Variants in ROBO2 observed in about 807,000 individuals in gnomAD.
ROBO2 encodes roundabout homolog 2.
Under a neutral mutation model 160.8 loss-of-function variants are expected in ROBO2, and 53 were observed. That is an observed-to-expected ratio of 0.33 (90% CI 0.26 to 0.41). The LOEUF is 0.41. ROBO2 is among the 10% of genes least tolerant of loss of function. The probability of loss-of-function intolerance (pLI) is 1.00; values close to 1 mark genes in which losing one functional copy is unlikely to be tolerated. For missense variants in ROBO2, 1,577 were observed against 1,722.4 expected (o/e 0.92, Z 1.49); for synonymous variants, 664 against 611.7 (o/e 1.09, Z -1.26).
intron 2 of ROBO2, among the ~76,000 whole-genome samples, chr3:76,105,567 A>G (rs940640542): frequency 3.3e-5 from 5 of 152,146 alleles, no homozygotes; most frequent in Non-Finnish European, 5.9e-5. Flanking sequence ...TTCAGAACCA[A>G]TGGAAAGGTT....
intron 2 of ROBO2, among the ~76,000 whole-genome samples, chr3:77,330,980 C>T (rs1196782965): frequency 6.6e-6 from 1 of 152,104 alleles, no homozygotes; most frequent in Admixed American, 6.5e-5. Flanking sequence ...ATATAGTATT[C>T]TGTATGATGT....
chr3:76,491,299 A>G (rs918970431), intron 2 of ROBO2, among the ~76,000 whole-genome samples: 5 of 152,158 alleles, frequency 3.3e-5, no homozygotes, highest in Non-Finnish European at 5.9e-5. Flanking sequence ...CATCAGCCGT[A>G]GAGCATATGA....
intron 2 of ROBO2, among the ~76,000 whole-genome samples, chr3:77,416,716 C>CAAAAA (rs61204363): frequency 4.1e-4 from 37 of 89,922 alleles, no homozygotes; most frequent in East Asian, 6.4e-4. Context: ...GATTCCATCT[C>CAAAAA]AAAAAAAAAA....
At chr3:76,578,267 T>A (rs939202703) in intron 2 of ROBO2, among the ~76,000 whole-genome samples, 1 of 152,178 alleles carries the variant, frequency 6.6e-6, no homozygotes, top group Admixed American at 6.5e-5. Context: ...TTATTACTAT[T>A]GACTCCTTCC....
intron 2 of ROBO2, among the ~76,000 whole-genome samples, chr3:76,438,205 T>G (rs1284924189): frequency 6.6e-6 from 1 of 152,128 alleles, no homozygotes; most frequent in Admixed American, 6.6e-5. Flanking sequence ...GCCTATCAAT[T>G]GAAAGTTGTG....
chr3:76,821,732 T>C (rs1375133671), intron 2 of ROBO2, among the ~76,000 whole-genome samples: 3 of 152,032 alleles, frequency 2.0e-5, no homozygotes, highest in African/African-American at 7.2e-5. Context: ...AGAATTATCA[T>C]AAAATATCAG....
chr3:77,080,763 A>G (rs2068570637), intron 1 of ROBO2, among the ~76,000 whole-genome samples: 1 of 152,190 alleles, frequency 6.6e-6, no homozygotes, highest in South Asian at 2.1e-4. Context: ...TGCCTGTGGT[A>G]TGAATGCAGA....
chr3:76,694,802 A>G (rs2092893283), intron 2 of ROBO2, among the ~76,000 whole-genome samples: 2 of 152,122 alleles, frequency 1.3e-5, no homozygotes, highest in South Asian at 4.1e-4. Flanking sequence ...TTATCCTTTC[A>G]TAATTAGTAT....
intron 2 of ROBO2, among the ~76,000 whole-genome samples, chr3:76,270,920 G>C (rs1028105582): frequency 1.3e-5 from 2 of 152,056 alleles, no homozygotes; most frequent in African/African-American, 4.8e-5. Context: ...GAGTGAACTG[G>C]AAATAATAGC....
At chr3:76,279,277 G>T (rs1708105385) in intron 2 of ROBO2, among the ~76,000 whole-genome samples, 1 of 151,638 alleles carries the variant, frequency 6.6e-6, no homozygotes, top group Non-Finnish European at 1.5e-5. Context: ...TTTAAAAAGA[G>T]CTTGTGTAGG....
intron 2 of ROBO2, among the ~76,000 whole-genome samples, chr3:76,315,748 C>G (rs2071964728): frequency 6.6e-6 from 1 of 152,152 alleles, no homozygotes; most frequent in Non-Finnish European, 1.5e-5. Flanking sequence ...ACATTCCTTG[C>G]TATTGGGTAA....
chr3:77,490,764 G>C (rs2086001847), intron 4 of ROBO2, among the ~76,000 whole-genome samples: 1 of 152,078 alleles, frequency 6.6e-6, no homozygotes, highest in South Asian at 2.1e-4. Flanking sequence ...TAAATGAAAA[G>C]TTGAGACATT....
chr3:76,360,935 C>T (rs1246426495), intron 2 of ROBO2, among the ~76,000 whole-genome samples: 1 of 151,890 alleles, frequency 6.6e-6, no homozygotes, highest in African/African-American at 2.4e-5. Flanking sequence ...TATAGTGAAG[C>T]TCCCATATCA....
At chr3:77,105,257 A>G (rs1183815304) in intron 2 of ROBO2, among the ~76,000 whole-genome samples, 2 of 152,226 alleles carry the variant, frequency 1.3e-5, no homozygotes, top group Non-Finnish European at 2.9e-5. Context: ...CAAACATATC[A>G]ACTTAAATGC....
intron 21 of ROBO2, among the ~76,000 whole-genome samples, chr3:77,616,356 G>A (rs936440702): frequency 7.5e-6 from 1 of 133,728 alleles, no homozygotes; most frequent in Non-Finnish European, 1.6e-5. Context: ...TTTAGACCTA[G>A]CTAATGAGTT....
chr3:77,241,969 A>T (rs1435100962), intron 2 of ROBO2, among the ~76,000 whole-genome samples: 1 of 152,186 alleles, frequency 6.6e-6, no homozygotes, highest in African/African-American at 2.4e-5. Context: ...ACAGACATTT[A>T]CTAGGCCCAA....
chr3:75,962,252 C>T (rs1194447757), intron 2 of ROBO2, among the ~76,000 whole-genome samples: 2 of 151,552 alleles, frequency 1.3e-5, no homozygotes, highest in Non-Finnish European at 3.0e-5. Flanking sequence ...CAATGATAGT[C>T]AGAACACAAT....
intron 2 of ROBO2, among the ~76,000 whole-genome samples, chr3:77,296,255 G>T (rs942754787): frequency 6.6e-6 from 1 of 151,702 alleles, no homozygotes; most frequent in Non-Finnish European, 1.5e-5. Context: ...AAGTAGAATT[G>T]ATGGTTAAAC....
chr3:76,375,147 G>A (rs1250706199), intron 2 of ROBO2, among the ~76,000 whole-genome samples: 1 of 151,906 alleles, frequency 6.6e-6, no homozygotes, highest in African/African-American at 2.4e-5. Flanking sequence ...TTAGATTTCA[G>A]TAAAACTGTG....
Sources: allele counts gnomAD v4.1 joint callset (sites outside exome capture counted in the v4.1 genomes callset), GRCh38; gene constraint gnomAD v4.1.1; transcripts MANE v1.5; gene names NCBI Gene and HGNC (gene_info 2026-07-23, HGNC 2026-07-21).